The following GAS7 variants were observed in gnomAD, a reference collection of about 807,000 sequenced individuals.
GAS7 encodes the protein growth arrest-specific protein 7.
GAS7 carries 28 observed loss-of-function variants against 71.1 expected under a neutral mutation model. That is an observed-to-expected ratio of 0.39 (90% CI 0.29 to 0.54). GAS7 has a LOEUF of 0.54. Ranked by LOEUF, GAS7 falls within the 20% of genes least tolerant of loss-of-function variation. The pLI is 0.62. For missense variants in GAS7, 436 were observed against 627.8 expected (o/e 0.69, Z 3.27); for synonymous variants, 258 against 245.8 (o/e 1.05, Z -0.46).
At chr17:10,116,568 G>T (rs1326087105) in intron 1 of GAS7, among the ~76,000 whole-genome samples, 3 of 152,132 alleles carry the variant, frequency 2.0e-5, no homozygotes, top group Admixed American at 6.5e-5. Flanking sequence ...TCCTGCCAGG[G>T]AAGTCACTTA....
At position 9,959,797 on chromosome 17, in the gene GAS7, CTCAGCCAAA is replaced by C. The variant is rs2069407233; in HGVS notation, c.472-551_472-543del. ...CAACCCCGTGAGCCAGGAGGGATTT[CTCAGCCAAA>C]CCGACTTCCAGCTTCCACTCAGTCT... On this transcript the variant is annotated intron_variant, in intron 4 of 13. Transcript: ENST00000432992. This position sits in a 1 kb window ranked among gnomAD's most constrained non-coding sequence, Gnocchi z 5.0. 6.6e-6 allele frequency among the ~76,000 whole-genome samples: 1 copy of C among 152,110 alleles called. No homozygotes were observed. Among genetic ancestry groups the C allele is most frequent in the Non-Finnish European group, 1.5e-5 (1 of 68,030 alleles).
At chr17:10,033,478 C>T (rs2072672419) in intron 1 of GAS7, among the ~76,000 whole-genome samples, 1 of 152,164 alleles carries the variant, frequency 6.6e-6, no homozygotes, top group South Asian at 2.1e-4. Context: ...CGTCCTATTG[C>T]ATTCAAAATG....
intron 1 of GAS7, among the ~76,000 whole-genome samples, chr17:10,025,882 T>G (rs1224663421): frequency 2.6e-5 from 4 of 152,202 alleles, no homozygotes; most frequent in Non-Finnish European, 5.9e-5. Flanking sequence ...ATCATAGAAT[T>G]TTTATAAGCA....
intron 1 of GAS7, among the ~76,000 whole-genome samples, chr17:10,098,085 TGCCCAAGAG>T (rs1299205379): frequency 6.6e-6 from 1 of 151,010 alleles, no homozygotes; most frequent in Non-Finnish European, 1.5e-5. Flanking sequence ...CGCCTCCTTG[TGCCCAAGAG>T]ACCCTGGGGT....
chr17:10,182,079 G>C (rs1208908942), intron 1 of GAS7, among the ~76,000 whole-genome samples: 1 of 152,164 alleles, frequency 6.6e-6, no homozygotes, highest in Non-Finnish European at 1.5e-5. Context: ...CCCTTGTTTA[G>C]CATATAATCA....
intron 1 of GAS7, among the ~76,000 whole-genome samples, chr17:10,045,962 T>C (rs1416568838): frequency 6.6e-6 from 1 of 152,212 alleles, no homozygotes; most frequent in African/African-American, 2.4e-5. Flanking sequence ...AGATTTGATT[T>C]GGTTTCTTTC....
At chr17:9,983,796 T>C (rs544478819) in intron 2 of GAS7, among the ~76,000 whole-genome samples, 2 of 152,088 alleles carry the variant, frequency 1.3e-5, no homozygotes, top group East Asian at 1.9e-4. Flanking sequence ...CAAAAATAAA[T>C]AAACAAATAA....
At chr17:10,021,873 GAA>G (rs1394953881) in intron 1 of GAS7, among the ~76,000 whole-genome samples, 1 of 152,200 alleles carries the variant, frequency 6.6e-6, no homozygotes, top group East Asian at 1.9e-4. Flanking sequence ...CATGTTGAGA[GAA>G]AGAGAAGTAT....
At chr17:10,079,074 G>T (rs1200182508) in intron 1 of GAS7, among the ~76,000 whole-genome samples, 1 of 152,108 alleles carries the variant, frequency 6.6e-6, no homozygotes, top group African/African-American at 2.4e-5. Flanking sequence ...CCAAAGCAGA[G>T]GATGCAGTGA....
intron 6 of GAS7, among the ~76,000 whole-genome samples, chr17:9,944,176 A>C (rs2068706817): frequency 6.6e-6 from 1 of 152,184 alleles, no homozygotes; most frequent in African/African-American, 2.4e-5. Context: ...CCCCTGCCTG[A>C]GATTCACCCA....
intron 1 of GAS7, among the ~76,000 whole-genome samples, chr17:10,132,137 C>T (rs117055274): frequency 0.037 from 5,627 of 152,254 alleles, 140 homozygotes; most frequent in Non-Finnish European, 0.055. Context: ...TGAAAATGTA[C>T]GCATGAATGT....
intron 1 of GAS7, among the ~76,000 whole-genome samples, chr17:10,119,257 C>T (rs1347353217): frequency 6.6e-5 from 10 of 152,114 alleles, no homozygotes; most frequent in Admixed American, 3.9e-4. Flanking sequence ...GTGTGGGTGG[C>T]AATTTTAGAG....
At chr17:10,082,361 T>A (rs1461783480) in intron 1 of GAS7, among the ~76,000 whole-genome samples, 2 of 152,160 alleles carry the variant, frequency 1.3e-5, no homozygotes, top group Admixed American at 1.3e-4. Context: ...ATGTGGCCAA[T>A]GTTAATACTT....
intron 2 of GAS7, among the ~76,000 whole-genome samples, chr17:9,993,575 G>C (rs1188183213): frequency 6.6e-6 from 1 of 151,888 alleles, no homozygotes; most frequent in Non-Finnish European, 1.5e-5. Context: ...CCAATATCAT[G>C]CTGAATGGGC....
At chr17:10,183,572 G>A (rs930954563) in intron 1 of GAS7, among the ~76,000 whole-genome samples, 11 of 152,204 alleles carry the variant, frequency 7.2e-5, no homozygotes, top group African/African-American at 1.9e-4. Context: ...GGGCGCGGTG[G>A]CTCACGCCTG....
At chr17:10,093,442 C>T (rs569797623) in intron 1 of GAS7, among the ~76,000 whole-genome samples, 255 of 151,886 alleles carry the variant, frequency 1.7e-3, no homozygotes, top group Non-Finnish European at 3.1e-3. Flanking sequence ...TGGTGGCACA[C>T]GCCTGAGTCC....
rs969107894 is a variant in GAS7, at chr17:10,034,805, C to G, written c.184-14908G>C. The stretch of plus-strand genomic sequence containing the variant: ...CAGGATTCTGTGCTTCCACCTCTCA[C>G]CACACTGAGTTCTGTCCTGATGCGT... On this transcript the variant is annotated intron_variant, in intron 1 of 13. Transcript: ENST00000432992. This position sits in a 1 kb window ranked among gnomAD's most constrained non-coding sequence, Gnocchi z 4.4. Among the ~76,000 whole-genome samples, 1 of 152,200 alleles carries G rather than the reference C, an allele frequency of 6.6e-6. No individual in the cohort carries two copies. Among genetic ancestry groups the G allele is most frequent in the Non-Finnish European group, 1.5e-5 (1 of 68,042 alleles).
intron 1 of GAS7, among the ~76,000 whole-genome samples, chr17:10,028,363 T>C (rs929004906): frequency 1.3e-5 from 2 of 152,212 alleles, no homozygotes; most frequent in African/African-American, 4.8e-5. Context: ...AGTGAGATAC[T>C]GTCTCAAATA....
Position 10,151,515 on chromosome 17 carries a change from A to G in GAS7, c.183+46693T>C, listed in dbSNP as rs149003561. Among the ~76,000 whole-genome samples the G allele has an allele frequency of 2.0e-5, 3 of 152,222 alleles. No homozygotes were observed. The East Asian group carries it at 5.8e-4, about 29-fold the overall frequency. On this transcript the variant is annotated intron_variant, in intron 1 of 13. Coordinates refer to ENST00000432992, the MANE Select transcript of GAS7 (RefSeq NM_201433.2). Reference sequence around the variant, plus strand: ...TGACAGCATTTAATGTGATTATAAGAGTCTATCATCAATCTACGTACCTAC... The same window carrying G: ...TGACAGCATTTAATGTGATTATAAGGGTCTATCATCAATCTACGTACCTAC...
Sources: allele counts gnomAD v4.1 joint callset (sites outside exome capture counted in the v4.1 genomes callset), GRCh38; gene constraint gnomAD v4.1.1; non-coding constraint Gnocchi (gnomAD v3.1); transcripts MANE v1.5; gene names NCBI Gene and HGNC (gene_info 2026-07-23, HGNC 2026-07-21).